Variants in CLUAP1 observed in about 807,000 individuals in gnomAD.
The protein encoded by CLUAP1 is intraflagellar transport 38.
In CLUAP1, 50 loss-of-function variants were observed where a neutral mutation model predicts 55.0. That is an observed-to-expected ratio of 0.91 (90% CI 0.72 to 1.15). CLUAP1 has a LOEUF of 1.15. Among genes scored for constraint, CLUAP1 ranks in the 50% most tolerant of loss-of-function variants. The pLI is 0.00. For synonymous variants in CLUAP1, 195 were observed against 175.4 expected (o/e 1.11, Z -0.88); for missense variants, 530 against 507.6 (o/e 1.04, Z -0.42).
intron 11 of CLUAP1, chr16:3,533,197 C>G: frequency 6.6e-7 from 1 of 1,506,852 alleles, no homozygotes; most frequent in African/African-American, 1.4e-5. Flanking sequence ...GGGTGTCTGT[C>G]AGCCCTCCCG....
intron 9 of CLUAP1, among the ~76,000 whole-genome samples, chr16:3,527,704 G>C (rs1008327135): frequency 1.1e-4 from 17 of 152,234 alleles, no homozygotes; most frequent in African/African-American, 3.9e-4. Context: ...GTTCTGTCCT[G>C]TACACCTGGC....
intron 9 of CLUAP1, among the ~76,000 whole-genome samples, 173 bp downstream of exon 9, chr16:3,526,657 T>C (rs891163342): frequency 6.6e-6 from 1 of 152,160 alleles, no homozygotes; most frequent in Non-Finnish European, 1.5e-5. Flanking sequence ...TTTTGAAAAG[T>C]ATAATAAATT....
chr16:3,509,238 G>T (rs534291138), intron 4 of CLUAP1, among the ~76,000 whole-genome samples: 10 of 152,280 alleles, frequency 6.6e-5, no homozygotes, highest in Non-Finnish European at 1.3e-4. Flanking sequence ...AACAGAACGA[G>T]ACCTTGTCTG....
intron 1 of CLUAP1, among the ~76,000 whole-genome samples, 175 bp from the exon 2 acceptor site, chr16:3,504,545 T>A (rs72778130): frequency 0.16 from 24,172 of 152,216 alleles, 2,383 homozygotes; most frequent in South Asian, 0.3. Flanking sequence ...TTAGGTAGCA[T>A]TTTTGGTATT....
chr16:3,518,226 AATT>A (rs1226017485), intron 6 of CLUAP1, among the ~76,000 whole-genome samples: 1 of 152,234 alleles, frequency 6.6e-6, no homozygotes, highest in Non-Finnish European at 1.5e-5. Context: ...ATTAAAAAAA[AATT>A]ATTATACCTC....
intron 2 of CLUAP1, among the ~76,000 whole-genome samples, chr16:3,505,220 T>G (rs1255917859): frequency 1.3e-5 from 2 of 151,778 alleles, no homozygotes; most frequent in East Asian, 3.9e-4. Flanking sequence ...CCCGGGCAGA[T>G]TGAGACTGTG....
intron 9 of CLUAP1, among the ~76,000 whole-genome samples, chr16:3,528,333 CTCTT>C (rs2037988410): frequency 6.6e-6 from 1 of 152,198 alleles, no homozygotes; most frequent in Non-Finnish European, 1.5e-5. Flanking sequence ...CTCTCTCTTT[CTCTT>C]TCTTTGCCAT....
In CLUAP1 at chr16:3,522,602, G is replaced by A. The variant is rs534672900; in HGVS notation, c.714-556G>A. ...CCAGGCTGGAGGGCTGGAGTGCCAC[G>A]GCAAGGTCAGAGGATCCTCACTCAC... On this transcript the variant is annotated intron_variant, in intron 7 of 11. Transcript: ENST00000576634. Among the ~76,000 whole-genome samples the A allele has an allele frequency of 2.0e-5, 3 of 152,146 alleles. No homozygotes were observed. The South Asian group carries it at 6.2e-4, about 32-fold the overall frequency.
intron 9 of CLUAP1, among the ~76,000 whole-genome samples, chr16:3,527,472 A>C (rs772840592): frequency 1.3e-5 from 2 of 152,064 alleles, no homozygotes; most frequent in Non-Finnish European, 2.9e-5. Context: ...TGCCAAGTGG[A>C]CCGTGGTCTA....
intron 11 of CLUAP1, chr16:3,535,812 G>A (rs578140069): frequency 3.4e-6 from 1 of 296,678 alleles, no homozygotes; most frequent in South Asian, 5.8e-5. Context: ...ATCTGTAGGG[G>A]GAGTCTCTAG....
At position 3,528,625 on chromosome 16, in the gene CLUAP1, G is replaced by C. The variant is rs1015365205; in HGVS notation, c.929-1943G>C. Among the ~76,000 whole-genome samples, 45 of 152,192 alleles carry C rather than the reference G, an allele frequency of 3.0e-4. 1 individual carries two copies. The highest frequency in any genetic ancestry group is 1.0e-3 in the African/African-American group (43 of 41,502). ...TGGTTTGTTGCTTGCATCCCATGCT[G>C]TCCCCGGGCCAGGATGCTAAGACCT... On this transcript the variant is annotated intron_variant, in intron 9 of 11. Coordinates refer to ENST00000576634, the MANE Select transcript of CLUAP1 (RefSeq NM_015041.3).
Position 3,538,012 on chromosome 16 carries a change from A to AT in CLUAP1, c.*1741_*1742insT, listed in dbSNP as rs1567447164. 2.7e-4 allele frequency: 41 copies of AT among 151,222 alleles called. 1 individual carries two copies. The highest frequency in any genetic ancestry group is 1.0e-3 in the African/African-American group (41 of 41,124). 9.4% of individuals were successfully genotyped at this position (151,222 alleles called of 1,614,324 possible). ...AGACTCCATCTCAAAAAAAAAAAAA[A>AT]AAAAAAAAGCATACAGTAAATAAAA... On this transcript the variant is annotated 3_prime_UTR_variant, in exon 12 of 12. Coordinates refer to ENST00000576634, the MANE Select transcript of CLUAP1 (RefSeq NM_015041.3).
At chr16:3,533,357 G>T in intron 11 of CLUAP1, 1 of 575,930 alleles carries the variant, frequency 1.7e-6, no homozygotes, top group Non-Finnish European at 3.1e-6. Flanking sequence ...GGCGGGGAAA[G>T]CTCAGGCCGG....
intron 8 of CLUAP1, among the ~76,000 whole-genome samples, chr16:3,523,504 A>G (rs2037879788): frequency 6.6e-6 from 1 of 152,114 alleles, no homozygotes; most frequent in Admixed American, 6.5e-5. Context: ...TTGATGTCAT[A>G]TTTCATCAGG....
At chr16:3,496,261 C>T (rs1439491205), upstream of CLUAP1, 2 of 711,338 alleles carry the variant, frequency 2.8e-6, no homozygotes, top group Non-Finnish European at 5.1e-6. Context: ...GCCCAAGAGC[C>T]AGGATATCTA....
At chr16:3,510,895 A>G (rs1334411568) in intron 4 of CLUAP1, among the ~76,000 whole-genome samples, 1 of 152,184 alleles carries the variant, frequency 6.6e-6, no homozygotes. Flanking sequence ...GGTAGCTGGT[A>G]TGTGAAACTA....
intron 6 of CLUAP1, among the ~76,000 whole-genome samples, chr16:3,517,638 G>A (rs114401708): frequency 0.013 from 1,937 of 152,150 alleles, 48 homozygotes; most frequent in African/African-American, 0.044. Flanking sequence ...ATTACAGAGG[G>A]GAAAAGAGTC....
intron 8 of CLUAP1, 92 bp from the exon 9 acceptor site, chr16:3,526,316 TAGCA>T: frequency 1.5e-6 from 1 of 666,532 alleles, no homozygotes; most frequent in Admixed American, 3.8e-5. Context: ...TTTTGTTCTG[TAGCA>T]CAAACTTAGC....
upstream of CLUAP1, chr16:3,500,942 T>G (rs1281759174): frequency 7.7e-6 from 8 of 1,033,708 alleles, no homozygotes; most frequent in Non-Finnish European, 1.1e-5. Context: ...CGCTTCGCTT[T>G]TTGTTTGTCC....
Sources: gnomAD v4.1 joint callset for allele counts (sites outside exome capture counted in the v4.1 genomes callset) on GRCh38, gnomAD v4.1.1 for gene constraint, MANE v1.5 for transcripts, NCBI Gene and HGNC (gene_info 2026-07-23, HGNC 2026-07-21) for gene names.